The following RAD51 variants were observed in gnomAD, a reference collection of about 807,000 sequenced individuals.
RAD51 encodes the protein RAD51 recombinase, also known as DNA repair protein RAD51 homolog 1.
In RAD51, 14 loss-of-function variants were observed where a neutral mutation model predicts 41.5. The observed-to-expected ratio is 0.34, with a 90% CI of 0.22 to 0.53. RAD51 has a LOEUF of 0.53. Ranked by LOEUF, RAD51 falls within the 20% of genes least tolerant of loss-of-function variation. The pLI is 0.95. For missense variants in RAD51, 234 were observed against 422.0 expected, an observed-to-expected ratio of 0.55 and a Z score of 3.90; for synonymous variants, 136 against 148.6, an observed-to-expected ratio of 0.92 and a Z score of 0.62.
rs1011233440 is a variant in RAD51, at chr15:40,695,293, G to C, written c.-135G>C. On this transcript the variant is annotated 5_prime_UTR_variant, in exon 1 of 10. Coordinates refer to ENST00000267868, the MANE Select transcript of RAD51 (RefSeq NM_002875.5). ...AACTCATCTGGGTTGTGCGCAGAAGGCTGGGGCAAGCGAGTAGAGAAGTGG... is the reference window on the plus strand; with the variant it reads ...AACTCATCTGGGTTGTGCGCAGAAGCCTGGGGCAAGCGAGTAGAGAAGTGG... 1 of 152,440 alleles carries C rather than the reference G, an allele frequency of 6.6e-6. No individual in the cohort carries two copies. Among genetic ancestry groups the C allele is most frequent in the African/African-American group, 2.4e-5 (1 of 41,474 alleles). 9.4% of individuals were successfully genotyped at this position (152,440 alleles called of 1,614,324 possible).
At chr15:40,703,530 A>G (rs1178465201) in intron 3 of RAD51, among the ~76,000 whole-genome samples, 2 of 151,956 alleles carry the variant, frequency 1.3e-5, no homozygotes, top group African/African-American at 4.8e-5. Context: ...GTCTATTTAG[A>G]TTTTCTTCTT....
At chr15:40,712,880 T>TTC (rs1487841317) in intron 5 of RAD51, among the ~76,000 whole-genome samples, 26 of 140,064 alleles carry the variant, frequency 1.9e-4, no homozygotes, top group East Asian at 6.1e-4. Flanking sequence ...TTCTTTTCTT[T>TTC]TTTTTTTTTT....
chr15:40,713,855 C>T (rs963552507), intron 5 of RAD51, among the ~76,000 whole-genome samples: 2 of 152,102 alleles, frequency 1.3e-5, no homozygotes, highest in Non-Finnish European at 1.5e-5. Flanking sequence ...ATCCGCCCAC[C>T]TTGGTCTCTC....
chr15:40,705,697 C>T (rs1041524637), intron 3 of RAD51, among the ~76,000 whole-genome samples: 4 of 152,142 alleles, frequency 2.6e-5, no homozygotes, highest in Admixed American at 2.0e-4. Flanking sequence ...CTCCGCCTCC[C>T]GGGTTCACGC....
rs1217984944 is a variant in RAD51 at position 40,731,723 on chromosome 15, C to T, written c.*545C>T. ...GTGCCAAACCTACTAGGCCATTAGC[C>T]CTTCACCATCTACCTGCTTGGTCTT... On this transcript the variant is annotated 3_prime_UTR_variant, in exon 10 of 10. Transcript: ENST00000267868. 4.4e-6 allele frequency: 1 copy of T among 226,318 alleles called. No homozygotes were observed. Among genetic ancestry groups the T allele is most frequent in the East Asian group, 6.6e-5 (1 of 15,162 alleles). The allele number at this position is 226,318 out of a possible 1,614,324, so 14.0% of individuals were successfully genotyped here.
chr15:40,698,063 A>G (rs190498428), intron 1 of RAD51, among the ~76,000 whole-genome samples: 375 of 152,068 alleles, frequency 2.5e-3, no homozygotes, highest in Non-Finnish European at 2.9e-3. Flanking sequence ...TATTCCTCCT[A>G]TCTAACTGAA....
intron 5 of RAD51, among the ~76,000 whole-genome samples, chr15:40,718,247 G>T (rs1340960034): frequency 6.6e-6 from 1 of 151,632 alleles, no homozygotes; most frequent in East Asian, 1.9e-4. Flanking sequence ...GCCAGGTGCA[G>T]TGGCTCGTGC....
intron 5 of RAD51, among the ~76,000 whole-genome samples, chr15:40,713,326 C>A (rs749247695): frequency 6.7e-6 from 1 of 149,478 alleles, no homozygotes; most frequent in Admixed American, 6.7e-5. Flanking sequence ...CTCACTGCAA[C>A]CTCCATCTCC....
intron 6 of RAD51, among the ~76,000 whole-genome samples, chr15:40,727,010 A>G (rs1896622464): frequency 6.6e-6 from 1 of 151,980 alleles, no homozygotes; most frequent in Admixed American, 6.6e-5. Flanking sequence ...AGAGGTTCCC[A>G]TAGTTTTTTT....
At chr15:40,723,167 C>T (rs1896366862) in intron 6 of RAD51, among the ~76,000 whole-genome samples, 1 of 152,034 alleles carries the variant, frequency 6.6e-6, no homozygotes, top group Admixed American at 6.6e-5. Flanking sequence ...CCACTTCACA[C>T]CCACTATGAA....
chr15:40,697,158 T>C (rs1894692810), intron 1 of RAD51, among the ~76,000 whole-genome samples: 1 of 152,226 alleles, frequency 6.6e-6, no homozygotes, highest in Non-Finnish European at 1.5e-5. Context: ...TGGAGTGCAA[T>C]GGCACAATCT....
chr15:40,702,610 C>T (rs7172195), intron 3 of RAD51, among the ~76,000 whole-genome samples: 75,324 of 151,834 alleles, frequency 0.5, 19,559 homozygotes, highest in East Asian at 0.77. Context: ...CTCTGCCTTC[C>T]GGGTTCAAGT....
intron 6 of RAD51, among the ~76,000 whole-genome samples, chr15:40,720,913 G>A (rs918855627): frequency 1.3e-5 from 2 of 152,214 alleles, no homozygotes; most frequent in Non-Finnish European, 2.9e-5. Flanking sequence ...CAGGTACTGT[G>A]GTGCACACCT....
At chr15:40,730,520 C>CTTTTTTTTTTTTTTTTTTTT (rs778467789) in intron 9 of RAD51, among the ~76,000 whole-genome samples, 3 of 113,086 alleles carry the variant, frequency 2.7e-5, no homozygotes, top group Admixed American at 9.2e-5. Flanking sequence ...AATTTTTTTT[C>CTTTTTTTTTTTTTTTTTTTT]TTTTTTTTTT....
At chr15:40,697,632 C>T (rs1349725776) in intron 1 of RAD51, among the ~76,000 whole-genome samples, 1 of 130,130 alleles carries the variant, frequency 7.7e-6, no homozygotes, top group Non-Finnish European at 1.5e-5. Context: ...GGCTGGAGTG[C>T]AGTGGCGCGA....
At chr15:40,730,922 A>G in intron 9 of RAD51, 133 bp from the exon 10 acceptor site, 2 of 1,194,808 alleles carry the variant, frequency 1.7e-6, no homozygotes, top group South Asian at 2.8e-5. Flanking sequence ...ACTAAGGAAA[A>G]CAGTACAGAA....
intron 3 of RAD51, 97 bp from the exon 4 acceptor site, chr15:40,706,080 T>A (rs1238810946): frequency 4.8e-6 from 4 of 841,752 alleles, no homozygotes; most frequent in Non-Finnish European, 7.9e-6. Flanking sequence ...CTTGTTTTAC[T>A]AATATTTCTT....
At chr15:40,715,472 A>C (rs1350101849) in intron 5 of RAD51, among the ~76,000 whole-genome samples, 1 of 152,256 alleles carries the variant, frequency 6.6e-6, no homozygotes, top group Non-Finnish European at 1.5e-5. Flanking sequence ...AATAATTTAT[A>C]CCAAAGCATA....
At position 40,731,264 on chromosome 15, in the gene RAD51, T is replaced by G. The variant is rs907104171; in HGVS notation, c.*86T>G. On this transcript the variant is annotated 3_prime_UTR_variant, in exon 10 of 10. Transcript: ENST00000267868. ...CTCCCTGGGGTTCTCTACAGGCCTC[T>G]TCCTGTTGTGACTGCCAGGATAAAG... The G allele has an allele frequency of 3.8e-5, 60 of 1,568,360 alleles. No homozygotes were observed. Among genetic ancestry groups the G allele is most frequent in the Non-Finnish European group, 5.1e-5 (58 of 1,141,464 alleles).
Sources: gnomAD v4.1 joint callset for allele counts (sites outside exome capture counted in the v4.1 genomes callset) on GRCh38, gnomAD v4.1.1 for gene constraint, MANE v1.5 for transcripts, NCBI Gene and HGNC (gene_info 2026-07-23, HGNC 2026-07-21) for gene names.